SETD1B: variants seen among roughly 807,000 people sequenced by gnomAD.
SETD1B encodes SET domain containing 1B, histone lysine methyltransferase.
A neutral mutation model predicts 148.0 loss-of-function variants in SETD1B; 7 were observed. The ratio of observed to expected loss-of-function variants is 0.05; its 90% CI spans 0.03 to 0.09. SETD1B has a LOEUF of 0.09. SETD1B is among the 10% of genes least tolerant of loss of function. The pLI is 1.00. For missense variants in SETD1B, 2,155 were observed against 2,729.9 expected (o/e 0.79, Z 4.69); for synonymous variants, 1,361 against 1,186.5 (o/e 1.15, Z -3.02).
At chr12:121,826,386 G>A (rs2137586713) in intron 13 of SETD1B, among the ~76,000 whole-genome samples, 1 of 152,294 alleles carries the variant, frequency 6.6e-6, no homozygotes, top group Admixed American at 6.5e-5. Flanking sequence ...CCATGTGGAT[G>A]CCAGAGAGAC....
At chr12:121,820,683 G>A (rs1040243004) in intron 11 of SETD1B, among the ~76,000 whole-genome samples, 11 of 152,082 alleles carry the variant, frequency 7.2e-5, no homozygotes, top group Admixed American at 3.3e-4. Context: ...ACAGGCACTC[G>A]CCACCACACC....
the SETD1B span, among the ~76,000 whole-genome samples, chr12:121,798,228 G>A: frequency 6.6e-6 from 1 of 152,172 alleles, no homozygotes; most frequent in East Asian, 1.9e-4. Flanking sequence ...GACCATGGGT[G>A]GGTGACCCAA....
At chr12:121,820,432 ACGTG>A (rs1383500026) in intron 11 of SETD1B, among the ~76,000 whole-genome samples, 1 of 152,258 alleles carries the variant, frequency 6.6e-6, no homozygotes, top group Admixed American at 6.5e-5. Flanking sequence ...AACTCTTGAA[ACGTG>A]GCCAGTGGCA....
chr12:121,803,755 C>T (rs949919011), upstream of SETD1B: 3 of 152,004 alleles, frequency 2.0e-5, no homozygotes, highest in Admixed American at 6.5e-5. This position sits in a 1 kb window ranked among gnomAD's most constrained non-coding sequence, Gnocchi z 4.7. Context: ...AGACCCCCTC[C>T]CCCGCCAGCC....
rs1349700059 is a variant in SETD1B at position 121,822,963 on chromosome 12, C to T, written c.4384C>T (p.Leu1462=). ...TGRRDERSGP[L]ASPVLLETGL... Reference sequence around the variant, plus strand: ...CCGACGCGATGAACGCTCCGGGCCCCTGGCCTCCCCGGTGCTCCTGGAGAC... The same window carrying T: ...CCGACGCGATGAACGCTCCGGGCCCTTGGCCTCCCCGGTGCTCCTGGAGAC... Residue 1462 remains leucine, a synonymous_variant, in exon 12 of 17, where the codon CTG becomes TTG. Coordinates refer to ENST00000604567, the MANE Select transcript of SETD1B (RefSeq NM_001353345.2). 2 of 1,538,606 alleles carry T rather than the reference C, an allele frequency of 1.3e-6. No individual in the cohort carries two copies. Among genetic ancestry groups the T allele is most frequent in the South Asian group, 1.2e-5 (1 of 82,864 alleles).
intron 4 of SETD1B, among the ~76,000 whole-genome samples, chr12:121,807,917 TGGGCGTCGC>T (rs1235438561): frequency 3.0e-5 from 4 of 132,204 alleles, no homozygotes; most frequent in Non-Finnish European, 4.9e-5. Context: ...GGGGGGGGGC[TGGGCGTCGC>T]GGGTGGCACC....
chr12:121,832,096 G>A lies in SETD1B; in HGVS notation c.*1857G>A, dbSNP rs1012140326. 2.0e-5 allele frequency: 3 copies of A among 152,172 alleles called. No individual in the cohort carries two copies. The highest frequency in any genetic ancestry group is 7.2e-5 in the African/African-American group (3 of 41,434). 9.4% of individuals were successfully genotyped at this position (152,172 alleles called of 1,614,324 possible). Reference sequence around the variant, plus strand: ...TTTCACATGAGGAAATGCGTAGCTTGTAGAGACGGCTGATTCAAGTTACAT... The same window carrying A: ...TTTCACATGAGGAAATGCGTAGCTTATAGAGACGGCTGATTCAAGTTACAT... On this transcript the variant is annotated 3_prime_UTR_variant, in exon 17 of 17. Transcript: ENST00000604567.
chr12:121,800,951 G>A (rs372103062), upstream of SETD1B: 534 of 152,280 alleles, frequency 3.5e-3, 6 homozygotes, highest in African/African-American at 0.012. Context: ...AAGCAGCCCT[G>A]CCCGGCTGGG....
chr12:121,809,920 C>T lies in SETD1B; in HGVS notation c.975C>T (p.His325=), dbSNP rs972538974. 26 of 1,551,014 alleles carry T rather than the reference C, an allele frequency of 1.7e-5. No homozygotes were observed. Among genetic ancestry groups the T allele is most frequent in the Non-Finnish European group, 1.7e-5 (20 of 1,146,984 alleles). ...SKFTDAYNRR[H]EHHYVHNSPA... ...TCACGGACGCCTACAACCGCCGCCA[C>T]GAACATCATTATGTACACAATTCTC... Residue 325 remains histidine (H), a synonymous_variant, in exon 6 of 17, where the codon CAC becomes CAT. Transcript: ENST00000604567.
chr12:121,810,715 T>G lies in SETD1B; in HGVS notation c.1770T>G (p.Leu590=). The G allele has an allele frequency of 6.4e-7, 1 of 1,551,262 alleles. No homozygotes were observed. Among genetic ancestry groups the G allele is most frequent in the Non-Finnish European group, 8.7e-7 (1 of 1,146,932 alleles). ...SDEDEELDLG[L]GPRPPPEPGP... is the part of the protein sequence containing the mutation. ...AGGACGAGGAGCTCGACCTGGGCCT[T>G]GGGCCTCGGCCTCCACCTGAGCCAG... is the stretch of plus-strand genomic sequence containing the variant. Residue 590 remains leucine, a synonymous_variant, in exon 6 of 17, where the codon CTT becomes CTG. Transcript: ENST00000604567. The surrounding 1 kb of genome is among the most constrained non-coding windows in gnomAD (Gnocchi z 7.6).
Position 121,819,596 on chromosome 12 carries a change from C to G in SETD1B, c.3611C>G (p.Ala1204Gly). 1 of 1,552,250 alleles carries G rather than the reference C, an allele frequency of 6.4e-7. No individual in the cohort carries two copies. The highest frequency in any genetic ancestry group is 8.7e-7 in the Non-Finnish European group (1 of 1,147,182). The change falls in exon 11 of 17, where the codon GCA becomes GGA. Residue 1204 changes from alanine to glycine, a missense_variant. Around this residue, in one of 11 missense-constraint regions of SETD1B, gnomAD observed 862 missense variants for 873.8 expected, o/e 0.99. Coordinates refer to ENST00000604567, the MANE Select transcript of SETD1B (RefSeq NM_001353345.2). ...GTGGCCGAGGAAAGCATGGCTTCTGCAGGCCCTGAGGACTTTGAGCAGGAC... is the reference window on the plus strand; with the variant it reads ...GTGGCCGAGGAAAGCATGGCTTCTGGAGGCCCTGAGGACTTTGAGCAGGAC... Reference protein sequence around the residue: ...EMVAEESMASAGPEDFEQDGE... With the variant: ...EMVAEESMASGGPEDFEQDGE...
At position 121,810,111 on chromosome 12, in the gene SETD1B, C is replaced by T. The variant is rs1875950274; in HGVS notation, c.1166C>T (p.Pro389Leu). 1 of 1,550,206 alleles carries T rather than the reference C, an allele frequency of 6.5e-7. No individual in the cohort carries two copies. The highest frequency in any genetic ancestry group is 2.4e-5 in the East Asian group (1 of 40,910). ...AHTPPPAQAT[P>L]APGFKSAFSP... ...ACTCCACCACCCGCCCAAGCAACCC[C>T]TGCTCCTGGATTCAAGTCTGCTTTC... Residue 389 changes from proline (P) to leucine (L), a missense_variant, in exon 6 of 17, where the codon CCT (proline) becomes CTT (leucine). By Grantham distance (98) the Pro-to-Leu change is moderately conservative (BLOSUM62 -3). Coordinates refer to ENST00000604567, the MANE Select transcript of SETD1B (RefSeq NM_001353345.2). This position sits in a 1 kb window ranked among gnomAD's most constrained non-coding sequence, Gnocchi z 7.6.
Position 121,809,909 on chromosome 12 carries a change from A to C in SETD1B, c.964A>C (p.Asn322His). The change falls in exon 6 of 17, where the codon AAC becomes CAC. Residue 322 changes from asparagine to histidine, a missense_variant. Physicochemically the swap from Asn to His is moderately conservative, Grantham distance 68 (BLOSUM62 1). Coordinates refer to ENST00000604567, the MANE Select transcript of SETD1B (RefSeq NM_001353345.2). ...RHESKFTDAY[N>H]RRHEHHYVHN... ...CGAGAGCAAGTTCACGGACGCCTAC[A>C]ACCGCCGCCACGAACATCATTATGT... 2 of 1,550,892 alleles carry C rather than the reference A, an allele frequency of 1.3e-6. No homozygotes were observed. Among genetic ancestry groups the C allele is most frequent in the Non-Finnish European group, 1.7e-6 (2 of 1,146,942 alleles).
rs1394105848 is a variant in SETD1B, at chr12:121,809,820, G to A, written c.875G>A (p.Arg292His). The A allele has an allele frequency of 2.4e-5, 37 of 1,551,420 alleles. No homozygotes were observed. The highest frequency in any genetic ancestry group is 3.0e-5 in the Non-Finnish European group (34 of 1,146,970). ...TCACAGGACTCCAGCTACTCCAGCC[G>A]CCAGCCCACACCCTCATACCTCTTC... is the stretch of plus-strand genomic sequence containing the variant. ...PFSQDSSYSSRQPTPSYLFSQ... is the reference protein window; with the variant it reads ...PFSQDSSYSSHQPTPSYLFSQ... Residue 292 changes from arginine (R) to histidine (H), a missense_variant, in exon 6 of 17, where the codon CGC becomes CAC. Transcript: ENST00000604567.
In SETD1B at chr12:121,814,433, C is replaced by A; in HGVS notation, c.2218C>A (p.Pro740Thr). Residue 740 changes from proline to threonine, a missense_variant, in exon 7 of 17, where the codon CCC becomes ACC. By Grantham distance (38) the Pro-to-Thr change is conservative. Coordinates refer to ENST00000604567, the MANE Select transcript of SETD1B (RefSeq NM_001353345.2). The part of the protein sequence containing the change: ...LPAPPGVPPP[P>T]ILPPLPPFPP... ...AGCGCCGCCTGGAGTCCCGCCCCCA[C>A]CCATCCTGCCACCACTGCCCCCCTT... is the stretch of plus-strand genomic sequence containing the variant. The A allele has an allele frequency of 6.9e-7, 1 of 1,438,850 alleles. No individual in the cohort carries two copies. 89.1% of individuals were successfully genotyped at this position (1,438,850 alleles called of 1,614,324 possible). A position where few individuals can be genotyped will look rare whatever the true frequency, so the allele number is the denominator to read the frequency against.
chr12:121,819,331 T>C (rs774532796), intron 10 of SETD1B, 73 bp from the exon 11 acceptor site: 29 of 1,535,682 alleles, frequency 1.9e-5, no homozygotes, highest in Non-Finnish European at 1.9e-5. Flanking sequence ...TTTGAGGCCA[T>C]TGGTGAGGGG....
chr12:121,810,505 G>A lies in SETD1B; in HGVS notation c.1560G>A (p.Pro520=), dbSNP rs979307421. 18 of 1,546,294 alleles carry A rather than the reference G, an allele frequency of 1.2e-5. No individual in the cohort carries two copies. Among genetic ancestry groups the A allele is most frequent in the African/African-American group, 5.5e-5 (4 of 73,038 alleles). The change falls in exon 6 of 17, where the codon CCG becomes CCA. Residue 520 remains proline, a synonymous_variant. Coordinates refer to ENST00000604567, the MANE Select transcript of SETD1B (RefSeq NM_001353345.2). This position sits in a 1 kb window ranked among gnomAD's most constrained non-coding sequence, Gnocchi z 7.6. The part of the protein sequence containing the change: ...QRTKLLFLRE[P]DSDTELQMEG... ...CCAAGCTGCTCTTCCTGAGGGAGCC[G>A]GACTCGGACACCGAGCTGCAGATGG... is the stretch of plus-strand genomic sequence containing the variant.
In SETD1B at chr12:121,819,742, C is replaced by T. The variant is rs780749462; in HGVS notation, c.3757C>T (p.Pro1253Ser). ...GGAGCGGCCCTCCATGCTGGACGAG[C>T]CCCCCTTGCCTGTGGGTGTTGAAGA... ...PEERPSMLDE[P>S]PLPVGVEEPA... Residue 1253 changes from proline to serine, a missense_variant, in exon 11 of 17, where the codon CCC (proline) becomes TCC (serine). Coordinates refer to ENST00000604567, the MANE Select transcript of SETD1B (RefSeq NM_001353345.2). 18 of 1,551,118 alleles carry T rather than the reference C, an allele frequency of 1.2e-5. No individual in the cohort carries two copies. Among genetic ancestry groups the T allele is most frequent in the Non-Finnish European group, 3.5e-6 (4 of 1,146,956 alleles).
At chr12:121,813,432 G>C (rs1472310236) in intron 6 of SETD1B, among the ~76,000 whole-genome samples, 3 of 152,252 alleles carry the variant, frequency 2.0e-5, no homozygotes, top group Admixed American at 2.0e-4. Flanking sequence ...GTGACTGAGA[G>C]CACAGGCTGC....
Sources: gnomAD v4.1 joint callset for allele counts (sites outside exome capture counted in the v4.1 genomes callset) on GRCh38, gnomAD v4.1.1 for gene constraint, gnomAD v4.1.1 regional missense constraint, Gnocchi (gnomAD v3.1) non-coding constraint, MANE v1.5 for transcripts, NCBI Gene and HGNC (gene_info 2026-07-23, HGNC 2026-07-21) for gene names.